UHRF1: variants seen among roughly 807,000 people sequenced by gnomAD.
UHRF1 encodes the protein ubiquitin like with PHD and ring finger domains 1.
In UHRF1, 9 loss-of-function variants were observed where a neutral mutation model predicts 96.5. The ratio of observed to expected loss-of-function variants is 0.09; its 90% CI spans 0.06 to 0.16. UHRF1 has a LOEUF of 0.16. UHRF1 is among the 10% of genes least tolerant of loss of function. The pLI is 1.00. For missense variants in UHRF1, 626 were observed against 1,131.1 expected (o/e 0.55, Z 6.40); for synonymous variants, 455 against 469.9 (o/e 0.97, Z 0.41).
rs17886338 is a variant in UHRF1, at chr19:4,959,308, C to T, written c.2236-1349C>T. On this transcript the variant is annotated intron_variant, in intron 16 of 16. Transcript: ENST00000650932. ...TCACGCCACTGCACTCCAGCCTGGGCGACAGAGCGAGACTCTATCTTAAAA... is the reference window on the plus strand; with the variant it reads ...TCACGCCACTGCACTCCAGCCTGGGTGACAGAGCGAGACTCTATCTTAAAA... Among the ~76,000 whole-genome samples, 1,305 of 152,126 alleles carry T rather than the reference C, an allele frequency of 8.6e-3. 8 individuals carry two copies. The highest frequency in any genetic ancestry group is 0.013 in the Non-Finnish European group (902 of 67,982).
upstream of UHRF1, among the ~76,000 whole-genome samples, chr19:4,907,908 C>CA (rs1317311672): frequency 2.0e-5 from 3 of 151,378 alleles, no homozygotes; most frequent in Non-Finnish European, 4.4e-5. Flanking sequence ...AACGGGGTTT[C>CA]TCCATGTTAG....
In UHRF1 at chr19:4,945,648, G is replaced by A. The variant is rs536196702; in HGVS notation, c.1306-213G>A. Among the ~76,000 whole-genome samples, 41 of 143,882 alleles carry A rather than the reference G, an allele frequency of 2.8e-4. 1 individual carries two copies. The East Asian group carries it at 7.2e-3, about 25-fold the overall frequency. 94.4% of individuals were successfully genotyped at this position (143,882 alleles called of 152,430 possible). ...CACGCTTGATGGGGCTGGAATTCAC[G>A]CCAGCTGGTTTTTTTTTTTTTTTTT... On this transcript the variant is annotated intron_variant, in intron 9 of 16. Transcript: ENST00000650932.
At chr19:4,921,574 G>A (rs944438350) in intron 2 of UHRF1, among the ~76,000 whole-genome samples, 6 of 152,170 alleles carry the variant, frequency 3.9e-5, no homozygotes, top group Non-Finnish European at 7.3e-5. Flanking sequence ...GGGCAACATG[G>A]AGAAACCCTG....
chr19:4,918,861 T>C (rs2032610577), intron 2 of UHRF1, among the ~76,000 whole-genome samples: 1 of 151,148 alleles, frequency 6.6e-6, no homozygotes, highest in Non-Finnish European at 1.5e-5. Flanking sequence ...GCAGGGACTA[T>C]AGGCTGTATA....
chr19:4,923,914 C>T (rs770933697), intron 2 of UHRF1, among the ~76,000 whole-genome samples: 20 of 152,204 alleles, frequency 1.3e-4, no homozygotes, highest in Admixed American at 9.2e-4. Flanking sequence ...TCCCTCTGAG[C>T]GCCGTGTGGC....
In UHRF1 at chr19:4,961,858, T is replaced by C. The variant is rs1054200510; in HGVS notation, c.*1055T>C. The C allele has an allele frequency of 9.9e-5, 13 of 131,592 alleles. No homozygotes were observed. Among genetic ancestry groups the C allele is most frequent in the African/African-American group, 1.3e-4 (5 of 39,888 alleles). 8.2% of individuals were successfully genotyped at this position (131,592 alleles called of 1,614,324 possible). ...TACTGTATATGTACCAAGAAAGATA[T>C]AACGTTAGGGTTTGGTTGTTTTTGT... is the stretch of plus-strand genomic sequence containing the variant. On this transcript the variant is annotated 3_prime_UTR_variant, in exon 17 of 17. Coordinates refer to ENST00000650932, the MANE Select transcript of UHRF1 (RefSeq NM_001048201.3).
intron 7 of UHRF1, among the ~76,000 whole-genome samples, chr19:4,943,495 G>GTCC: frequency 7.5e-6 from 1 of 133,210 alleles, no homozygotes; most frequent in Non-Finnish European, 1.6e-5. Context: ...TTGTTGCCCT[G>GTCC]CCCCCCCTCC....
At chr19:4,938,855 A>G (rs113075089) in intron 5 of UHRF1, among the ~76,000 whole-genome samples, 2 of 146,016 alleles carry the variant, frequency 1.4e-5, no homozygotes, top group African/African-American at 2.5e-5. Context: ...GCAATCCTCC[A>G]ACCTCAGCCT....
chr19:4,946,892 T>G (rs182940625), intron 10 of UHRF1, among the ~76,000 whole-genome samples: 1 of 152,228 alleles, frequency 6.6e-6, no homozygotes, highest in African/African-American at 2.4e-5. Flanking sequence ...TTAAGTTTCT[T>G]GAGGACGCAC....
chr19:4,940,977 T>C (rs2033376216), intron 5 of UHRF1, among the ~76,000 whole-genome samples: 1 of 151,938 alleles, frequency 6.6e-6, no homozygotes. Context: ...CCGGCCAACC[T>C]TTATGAGTCT....
At chr19:4,923,878 C>T (rs1599254418) in intron 2 of UHRF1, among the ~76,000 whole-genome samples, 1 of 152,312 alleles carries the variant, frequency 6.6e-6, no homozygotes, top group East Asian at 1.9e-4. Flanking sequence ...AGGTGCTGGC[C>T]CGGATGCAGA....
chr19:4,929,543 C>A (rs2032984373), intron 3 of UHRF1, 67 bp downstream of exon 3: 2 of 1,553,388 alleles, frequency 1.3e-6, no homozygotes, highest in Non-Finnish European at 1.7e-6. Context: ...CTTTGCATAC[C>A]CAGGGCTCAC....
rs374316733 is a variant in UHRF1 at position 4,956,723 on chromosome 19, G to C, written c.2145G>C (p.Leu715=). The part of the protein sequence containing the change: ...PASGSPFQLF[L]SKVEETFQCI... ...CTTCCCTCTAGTTCCAGTTGTTCCTGAGTAAAGTGGAGGAGACGTTCCAGT... is the reference window on the plus strand; with the variant it reads ...CTTCCCTCTAGTTCCAGTTGTTCCTCAGTAAAGTGGAGGAGACGTTCCAGT... Residue 715 remains leucine, a synonymous_variant, in exon 16 of 17, where the codon CTG becomes CTC. Transcript: ENST00000650932. 14 of 1,611,422 alleles carry C rather than the reference G, an allele frequency of 8.7e-6. No individual in the cohort carries two copies. The highest frequency in any genetic ancestry group is 1.2e-5 in the Non-Finnish European group (14 of 1,178,684).
At chr19:4,907,277 T>A (rs146097659), upstream of UHRF1, among the ~76,000 whole-genome samples, 535 of 147,508 alleles carry the variant, frequency 3.6e-3, 4 homozygotes, top group African/African-American at 0.013. Flanking sequence ...GCCCAGCTAA[T>A]TTTTTTTTTT....
intron 7 of UHRF1, among the ~76,000 whole-genome samples, chr19:4,942,336 G>T (rs942056776): frequency 6.6e-4 from 101 of 151,964 alleles, no homozygotes; most frequent in African/African-American, 2.4e-3. Flanking sequence ...GACTACAGGC[G>T]CCCGCCTCCA....
At chr19:4,920,246 A>G (rs776467283) in intron 2 of UHRF1, among the ~76,000 whole-genome samples, 4 of 152,030 alleles carry the variant, frequency 2.6e-5, no homozygotes, top group Non-Finnish European at 5.9e-5. Context: ...AGCCTGGCCA[A>G]CATGGTGAAA....
At chr19:4,916,722 C>T (rs1186927533) in intron 2 of UHRF1, among the ~76,000 whole-genome samples, 1 of 152,254 alleles carries the variant, frequency 6.6e-6, no homozygotes, top group East Asian at 1.9e-4. Flanking sequence ...TCCCTTCTCT[C>T]CCTCCGTCTG....
In UHRF1 at chr19:4,960,881, G is replaced by A; in HGVS notation, c.*78G>A. ...TTCATCGGCACTGATTTTGTTCTTA[G>A]TGGGCTTAACTTAAACAGGTAGTGT... On this transcript the variant is annotated 3_prime_UTR_variant, in exon 17 of 17. Transcript: ENST00000650932. The A allele has an allele frequency of 2.5e-6, 2 of 790,598 alleles. No homozygotes were observed. Among genetic ancestry groups the A allele is most frequent in the East Asian group, 2.8e-5 (1 of 36,296 alleles). 49.0% of individuals were successfully genotyped at this position (790,598 alleles called of 1,614,324 possible). A position where few individuals can be genotyped will look rare whatever the true frequency, so the allele number is the denominator to read the frequency against.
chr19:4,940,953 C>T (rs892388483), intron 5 of UHRF1, among the ~76,000 whole-genome samples: 1 of 151,818 alleles, frequency 6.6e-6, no homozygotes, highest in Non-Finnish European at 1.5e-5. Context: ...AATTACAGGT[C>T]TGAGCTACCA....
Sources: allele counts gnomAD v4.1 joint callset (sites outside exome capture counted in the v4.1 genomes callset), GRCh38; gene constraint gnomAD v4.1.1; transcripts MANE v1.5; gene names NCBI Gene and HGNC (gene_info 2026-07-23, HGNC 2026-07-21).